Variants in CLIC5 observed in about 807,000 individuals in gnomAD.
CLIC5 encodes chloride intracellular channel protein 5.
Under a neutral mutation model 24.7 loss-of-function variants are expected in CLIC5, and 20 were observed. The ratio of observed to expected loss-of-function variants is 0.81; its 90% CI spans 0.57 to 1.18. CLIC5 has a LOEUF of 1.18. Ranked by LOEUF, CLIC5 falls within the 50% of genes most tolerant of loss-of-function variation. The probability of loss-of-function intolerance (pLI) is 0.00; values close to 1 mark genes in which losing one functional copy is unlikely to be tolerated. For synonymous variants in CLIC5, 159 were observed against 135.6 expected, an observed-to-expected ratio of 1.17 and a Z score of -1.20; for missense variants, 341 against 326.1, an observed-to-expected ratio of 1.05 and a Z score of -0.35.
intron 4 of CLIC5, among the ~76,000 whole-genome samples, chr6:45,929,502 A>G (rs1205668539): frequency 1.3e-5 from 2 of 152,214 alleles, no homozygotes; most frequent in South Asian, 2.1e-4. Flanking sequence ...CAACAAACAA[A>G]ATACCCCTAG....
At chr6:45,912,924 C>T (rs1211955690) in intron 5 of CLIC5, among the ~76,000 whole-genome samples, 1 of 152,198 alleles carries the variant, frequency 6.6e-6, no homozygotes, top group Non-Finnish European at 1.5e-5. Flanking sequence ...GTCTTCAGCT[C>T]TAAGGCATAC....
the CLIC5 span, among the ~76,000 whole-genome samples, chr6:46,092,984 CTT>C: frequency 6.6e-6 from 1 of 152,144 alleles, no homozygotes; most frequent in Non-Finnish European, 1.5e-5. Flanking sequence ...AAAAACTTAT[CTT>C]TGTCTCTTAC....
intron 4 of CLIC5, among the ~76,000 whole-genome samples, chr6:45,915,548 T>C (rs954933782): frequency 6.6e-6 from 1 of 152,080 alleles, no homozygotes; most frequent in Non-Finnish European, 1.5e-5. Context: ...GTTCTAAAAA[T>C]CACTGCTGTC....
chr6:45,950,320 G>T (rs183836985), intron 2 of CLIC5, among the ~76,000 whole-genome samples: 401 of 152,212 alleles, frequency 2.6e-3, no homozygotes, highest in African/African-American at 9.2e-3. Flanking sequence ...CACCACTTTG[G>T]GAGGGTGAGG....
intron 1 of CLIC5, among the ~76,000 whole-genome samples, chr6:46,008,263 C>G (rs1766665203): frequency 1.3e-5 from 2 of 152,166 alleles, no homozygotes; most frequent in African/African-American, 4.8e-5. Flanking sequence ...TCAGACAACC[C>G]CGTGTACTCA....
the CLIC5 span, among the ~76,000 whole-genome samples, chr6:46,120,568 C>T: frequency 2.6e-5 from 4 of 152,176 alleles, no homozygotes; most frequent in African/African-American, 9.7e-5. Flanking sequence ...AGCAATGGAC[C>T]AAAGCTGGAC....
chr6:46,118,632 T>C, the CLIC5 span, among the ~76,000 whole-genome samples: 6 of 152,242 alleles, frequency 3.9e-5, no homozygotes, highest in Admixed American at 3.9e-4. Context: ...ATTCCTTCCC[T>C]GTCTACAAGA....
intron 1 of CLIC5, among the ~76,000 whole-genome samples, chr6:45,978,216 A>T (rs933179700): frequency 2.0e-5 from 3 of 152,198 alleles, no homozygotes; most frequent in Admixed American, 6.5e-5. Context: ...GCATTACATT[A>T]TGATCTTATA....
chr6:45,920,420 T>A lies in CLIC5; in HGVS notation c.407-6011A>T, dbSNP rs1286684330. ...AAATACCTGGAGCACTGAATGAAGT[T>A]TTTACTTTTCATCTTCTCATTTGAG... On this transcript the variant is annotated intron_variant, in intron 4 of 5. Coordinates refer to ENST00000339561, the MANE Select transcript of CLIC5 (RefSeq NM_016929.5). The A allele has an allele frequency of 7.5e-6, 4 of 531,804 alleles. No homozygotes were observed. In the African/African-American group the frequency reaches 8.3e-5, roughly 11 times the overall value. The allele number at this position is 531,804 out of a possible 1,614,324, so 32.9% of individuals were successfully genotyped here. A position where few individuals can be genotyped will look rare whatever the true frequency, so the allele number is the denominator to read the frequency against.
chr6:45,913,340 TA>T (rs1187486812), intron 5 of CLIC5, among the ~76,000 whole-genome samples: 2 of 152,088 alleles, frequency 1.3e-5, no homozygotes, highest in African/African-American at 2.4e-5. Flanking sequence ...TGACAGAGCT[TA>T]GGGGGATACA....
chr6:45,963,438 G>A (rs1764916897), intron 1 of CLIC5, among the ~76,000 whole-genome samples: 1 of 152,128 alleles, frequency 6.6e-6, no homozygotes, highest in South Asian at 2.1e-4. Flanking sequence ...TCATTTGGCA[G>A]TAGGCACTGC....
intron 1 of CLIC5, among the ~76,000 whole-genome samples, chr6:46,069,398 A>C (rs904185055): frequency 4.5e-4 from 69 of 152,126 alleles, no homozygotes; most frequent in Non-Finnish European, 8.8e-5. Flanking sequence ...ACTCCACAGG[A>C]ATACAAATAA....
Position 45,936,904 on chromosome 6 carries a change from A to G in CLIC5, c.406+4643T>C, listed in dbSNP as rs562035783. 4.6e-5 allele frequency among the ~76,000 whole-genome samples: 7 copies of G among 152,214 alleles called. No individual in the cohort carries two copies. The South Asian group carries it at 1.5e-3, about 32-fold the overall frequency. ...CATGAGAAAATCCAGTCTACATTTA[A>G]GTGAAGTGAAGAGCAGGTTGGAAAG... is the stretch of plus-strand genomic sequence containing the variant. On this transcript the variant is annotated intron_variant, in intron 4 of 5. Coordinates refer to ENST00000339561, the MANE Select transcript of CLIC5 (RefSeq NM_016929.5).
chr6:46,022,170 A>G (rs1446198071), intron 1 of CLIC5, among the ~76,000 whole-genome samples: 4 of 152,198 alleles, frequency 2.6e-5, no homozygotes, highest in Non-Finnish European at 5.9e-5. Flanking sequence ...ATATTTAGAC[A>G]GTGTGTTTGT....
intron 6 of CLIC5, among the ~76,000 whole-genome samples, chr6:45,884,969 G>GTTTTGTTTTTTTTTTTTCTTTTT (rs1762292414): frequency 6.6e-6 from 1 of 150,438 alleles, no homozygotes; most frequent in African/African-American, 2.5e-5. Context: ...CAGGAAATAG[G>GTTTTGTTTTTTTTTTTTCTTTTT]TTTTTTAAAA....
chr6:46,125,191 T>C, the CLIC5 span, among the ~76,000 whole-genome samples: 5 of 152,270 alleles, frequency 3.3e-5, no homozygotes, highest in East Asian at 9.6e-4. Context: ...TGTCCAACAA[T>C]GATAGACTGG....
At chr6:45,890,967 G>A (rs892464546) in intron 6 of CLIC5, among the ~76,000 whole-genome samples, 9 of 152,116 alleles carry the variant, frequency 5.9e-5, no homozygotes, top group African/African-American at 9.7e-5. Flanking sequence ...ACAGGTTCAC[G>A]GTTACAGATA....
chr6:45,899,492 A>G lies in CLIC5; in HGVS notation c.*3596T>C, dbSNP rs1343126762. The G allele has an allele frequency of 6.6e-6, 1 of 152,242 alleles. No individual in the cohort carries two copies. The highest frequency in any genetic ancestry group is 1.5e-5 in the Non-Finnish European group (1 of 68,054). 9.4% of individuals were successfully genotyped at this position (152,242 alleles called of 1,614,324 possible). On this transcript the variant is annotated 3_prime_UTR_variant, in exon 6 of 6. Coordinates refer to ENST00000339561, the MANE Select transcript of CLIC5 (RefSeq NM_016929.5). ...TCTAGTTTAATTTAATTTTAGACACACACTCTCACAGTGATGCTAAACTCT... is the reference window on the plus strand; with the variant it reads ...TCTAGTTTAATTTAATTTTAGACACGCACTCTCACAGTGATGCTAAACTCT...
chr6:45,994,151 A>G (rs1766042450), intron 1 of CLIC5, among the ~76,000 whole-genome samples: 1 of 152,158 alleles, frequency 6.6e-6, no homozygotes, highest in Admixed American at 6.5e-5. Flanking sequence ...CCAGATGGGA[A>G]TTCAACAGGC....
Sources: gnomAD v4.1 joint callset for allele counts (sites outside exome capture counted in the v4.1 genomes callset) on GRCh38, gnomAD v4.1.1 for gene constraint, MANE v1.5 for transcripts, NCBI Gene and HGNC (gene_info 2026-07-23, HGNC 2026-07-21) for gene names.